The following KDM1B variants were observed in gnomAD, a reference collection of about 807,000 sequenced individuals.
KDM1B encodes the protein lysine demethylase 1B, also known as lysine-specific histone demethylase 2.
A neutral mutation model predicts 107.4 loss-of-function variants in KDM1B; 63 were observed. The ratio of observed to expected loss-of-function variants is 0.59; its 90% CI spans 0.48 to 0.72. The LOEUF is 0.72. Ranked by LOEUF, KDM1B falls within the 30% of genes least tolerant of loss-of-function variation. KDM1B has a pLI of 0.00. For synonymous variants in KDM1B, 363 were observed against 363.9 expected (o/e 1.00, Z 0.03); for missense variants, 749 against 1,020.8 (o/e 0.73, Z 3.63).
chr6:18,203,297 A>G lies in KDM1B; in HGVS notation c.1531+1640A>G, dbSNP rs1788163784. ...GTCTCACAAACAAAACAAATAAAAA[A>G]CCCAAGTTGTTAAGGTAGGCTCAGC... On this transcript the variant is annotated intron_variant, in intron 14 of 21. Coordinates refer to ENST00000650836, the MANE Select transcript of KDM1B (RefSeq NM_001364614.2). The surrounding 1 kb of genome is among the most constrained non-coding windows in gnomAD (Gnocchi z 5.5). Among the ~76,000 whole-genome samples, 1 of 151,970 alleles carries G rather than the reference A, an allele frequency of 6.6e-6. No homozygotes were observed. The highest frequency in any genetic ancestry group is 6.6e-5 in the Admixed American group (1 of 15,236).
chr6:18,195,380 T>C (rs1381787604), intron 10 of KDM1B, among the ~76,000 whole-genome samples: 1 of 152,214 alleles, frequency 6.6e-6, no homozygotes, highest in Non-Finnish European at 1.5e-5. Flanking sequence ...GCCTTTTAAA[T>C]TGAGAAATTT....
In KDM1B at chr6:18,179,849, CCTTTTTTTTTTTTT is replaced by C. The variant is rs1198802891; in HGVS notation, c.535-5922_535-5909del. ...TTTCAATTTAGCATTGGTTTTTTTT[CCTTTTTTTTTTTTT>C]TTTTTTTTTTTTTTTCATAAGGCAG... On this transcript the variant is annotated intron_variant, in intron 7 of 21. Coordinates refer to ENST00000650836, the MANE Select transcript of KDM1B (RefSeq NM_001364614.2). 2.0e-4 allele frequency among the ~76,000 whole-genome samples: 19 copies of C among 96,290 alleles called. 3 individuals are homozygous for C. In the East Asian group the frequency reaches 3.2e-3, roughly 16 times the overall value. 63.2% of individuals were successfully genotyped at this position (96,290 alleles called of 152,430 possible). A position where few individuals can be genotyped will look rare whatever the true frequency, so the allele number is the denominator to read the frequency against.
Position 18,212,225 on chromosome 6 carries a change from A to C in KDM1B, c.1867-263A>C, listed in dbSNP as rs1582207948. 1 of 407,438 alleles carries C rather than the reference A, an allele frequency of 2.5e-6. No individual in the cohort carries two copies. Among genetic ancestry groups the C allele is most frequent in the Non-Finnish European group, 4.6e-6 (1 of 219,474 alleles). 25.2% of individuals were successfully genotyped at this position (407,438 alleles called of 1,614,324 possible). On this transcript the variant is annotated intron_variant, in intron 17 of 21. Transcript: ENST00000650836. The surrounding 1 kb of genome is among the most constrained non-coding windows in gnomAD (Gnocchi z 5.2). ...CTCTCAAAGTGCTGGGATTACAGGC[A>C]TGAGCCACCGCACCTGGCCTCTGCT...
intron 7 of KDM1B, among the ~76,000 whole-genome samples, 175 bp downstream of exon 7, chr6:18,171,654 C>A (rs1321116517): frequency 6.6e-6 from 1 of 152,180 alleles, no homozygotes; most frequent in Non-Finnish European, 1.5e-5. Flanking sequence ...ACTTTTCCGT[C>A]ATTATAAGCA....
chr6:18,189,573 T>C (rs1787137677), intron 9 of KDM1B, among the ~76,000 whole-genome samples: 2 of 152,150 alleles, frequency 1.3e-5, no homozygotes, highest in African/African-American at 2.4e-5. Flanking sequence ...GGTTAAGTAA[T>C]AAGAAAATAT....
At chr6:18,164,317 A>G (rs1268205438) in intron 5 of KDM1B, among the ~76,000 whole-genome samples, 2 of 151,908 alleles carry the variant, frequency 1.3e-5, no homozygotes, top group Non-Finnish European at 1.5e-5. Flanking sequence ...TAATAGAGAC[A>G]GGACTTCATC....
chr6:18,206,214 T>C (rs1320062227), intron 15 of KDM1B, among the ~76,000 whole-genome samples: 2 of 150,032 alleles, frequency 1.3e-5, no homozygotes, highest in African/African-American at 4.9e-5. Context: ...AGAAGCTCAA[T>C]ACGTAAAAAC....
At chr6:18,175,024 A>T (rs6459599) in intron 7 of KDM1B, among the ~76,000 whole-genome samples, 49,696 of 152,088 alleles carry the variant, frequency 0.33, 8,670 homozygotes, top group Non-Finnish European at 0.38. Flanking sequence ...TGCTGGATCA[A>T]ATGGTAGTTC....
Position 18,202,410 on chromosome 6 carries a change from G to A in KDM1B, c.1531+753G>A, listed in dbSNP as rs181921149. On this transcript the variant is annotated intron_variant, in intron 14 of 21. Coordinates refer to ENST00000650836, the MANE Select transcript of KDM1B (RefSeq NM_001364614.2). ...GCAAGACCCTATTTCAAAAAAAAAA[G>A]GAATTTTAATTCAAAATCTTTTGGC... Among the ~76,000 whole-genome samples the A allele has an allele frequency of 5.5e-3, 830 of 151,226 alleles. 5 individuals are homozygous for A. Among genetic ancestry groups the A allele is most frequent in the African/African-American group, 0.02 (806 of 41,052 alleles).
chr6:18,215,962 AATGGCC>A (rs1464379964), intron 20 of KDM1B, among the ~76,000 whole-genome samples: 3 of 152,116 alleles, frequency 2.0e-5, no homozygotes, highest in Admixed American at 6.6e-5. Context: ...GAGATTTGTA[AATGGCC>A]ATGGCTTATA....
intron 7 of KDM1B, among the ~76,000 whole-genome samples, chr6:18,181,797 A>G (rs1786496600): frequency 6.6e-6 from 1 of 152,212 alleles, no homozygotes; most frequent in Non-Finnish European, 1.5e-5. Context: ...AAATAAAAAA[A>G]ACAAACTTCA....
intron 5 of KDM1B, among the ~76,000 whole-genome samples, chr6:18,163,475 G>GT (rs1344570610): frequency 6.6e-6 from 1 of 151,858 alleles, no homozygotes; most frequent in Non-Finnish European, 1.5e-5. Flanking sequence ...TTTGCTTTAG[G>GT]TTTAATTTTT....
chr6:18,164,915 G>A (rs1364983825), intron 5 of KDM1B, among the ~76,000 whole-genome samples: 1 of 152,110 alleles, frequency 6.6e-6, no homozygotes, highest in Non-Finnish European at 1.5e-5. Context: ...CAAAGTGCTG[G>A]GATTACAGGT....
intron 2 of KDM1B, among the ~76,000 whole-genome samples, chr6:18,156,769 T>C (rs2150738541): frequency 6.6e-6 from 1 of 152,016 alleles, no homozygotes; most frequent in East Asian, 1.9e-4. Context: ...ATACAAAAAT[T>C]AGCCGGACGT....
In KDM1B at chr6:18,191,174, T is replaced by A. The variant is rs1294649762; in HGVS notation, c.785-23T>A. 2 of 1,545,534 alleles carry A rather than the reference T, an allele frequency of 1.3e-6. No homozygotes were observed. The highest frequency in any genetic ancestry group is 1.7e-6 in the Non-Finnish European group (2 of 1,144,264). ...TTTGGAAGTTACAGCTTGTAGGAGT[T>A]GCCCATTTGTGTTACCTATCAGTTC... On this transcript the variant is annotated intron_variant, in intron 9 of 21. Transcript: ENST00000650836. This position sits in a 1 kb window ranked among gnomAD's most constrained non-coding sequence, Gnocchi z 5.1.
At chr6:18,158,323 CAAAAA>C (rs56971577) in intron 2 of KDM1B, among the ~76,000 whole-genome samples, 7 of 99,468 alleles carry the variant, frequency 7.0e-5, no homozygotes, top group Admixed American at 2.2e-4. Flanking sequence ...GACTCCTTCA[CAAAAA>C]AAAAAAAAAA....
Position 18,201,969 on chromosome 6 carries a change from T to C in KDM1B, c.1531+312T>C, listed in dbSNP as rs77900066. ...AGCTTACTTTTATGGGAACATGTGG[T>C]AAGCCCTGTGTGATAAATCATCACC... is the stretch of plus-strand genomic sequence containing the variant. On this transcript the variant is annotated intron_variant, in intron 14 of 21. Coordinates refer to ENST00000650836, the MANE Select transcript of KDM1B (RefSeq NM_001364614.2). This position sits in a 1 kb window ranked among gnomAD's most constrained non-coding sequence, Gnocchi z 4.3. Among the ~76,000 whole-genome samples the C allele has an allele frequency of 0.048, 7,296 of 152,280 alleles. 502 individuals carry two copies. The highest frequency in any genetic ancestry group is 0.15 in the African/African-American group (6,413 of 41,520).
At position 18,223,038 on chromosome 6, in the gene KDM1B, AAC is replaced by A. The variant is rs1386984190; in HGVS notation, c.*1049_*1050del. On this transcript the variant is annotated 3_prime_UTR_variant, in exon 22 of 22. Coordinates refer to ENST00000650836, the MANE Select transcript of KDM1B (RefSeq NM_001364614.2). ...TATTTACTTTTATCTTTTTTTTAAA[AAC>A]ACTCATGACAGAAAACAGTTTAATA... is the stretch of plus-strand genomic sequence containing the variant. 3.3e-5 allele frequency: 5 copies of A among 152,576 alleles called. No individual in the cohort carries two copies. The allele number at this position is 152,576 out of a possible 1,614,324, so 9.5% of individuals were successfully genotyped here.
In KDM1B at chr6:18,166,362, A is replaced by G. The variant is rs920884016; in HGVS notation, c.401A>G (p.Gln134Arg). 2 of 1,607,146 alleles carry G rather than the reference A, an allele frequency of 1.2e-6. No homozygotes were observed. Among genetic ancestry groups the G allele is most frequent in the African/African-American group, 1.3e-5 (1 of 74,816 alleles). ...EPSPKAFMAD[Q>R]QLPYWVQCTK... is the part of the protein sequence containing the mutation. ...AGTCCCAAAGCTTTCATGGCAGACCAGCAACTCCCCTACTGGGTAAGGAGA... is the reference window on the plus strand; with the variant it reads ...AGTCCCAAAGCTTTCATGGCAGACCGGCAACTCCCCTACTGGGTAAGGAGA... The change falls in exon 6 of 22, where the codon CAG becomes CGG. Residue 134 changes from glutamine to arginine, a missense_variant. Coordinates refer to ENST00000650836, the MANE Select transcript of KDM1B (RefSeq NM_001364614.2).
Sources: gnomAD v4.1 joint callset for allele counts (sites outside exome capture counted in the v4.1 genomes callset) on GRCh38, gnomAD v4.1.1 for gene constraint, Gnocchi (gnomAD v3.1) non-coding constraint, MANE v1.5 for transcripts, NCBI Gene and HGNC (gene_info 2026-07-23, HGNC 2026-07-21) for gene names.